The following TPP2 variants were observed in gnomAD, a reference collection of about 807,000 sequenced individuals.
TPP2 encodes tripeptidyl peptidase 2.
TPP2 carries 34 observed loss-of-function variants against 155.9 expected under a neutral mutation model. The ratio of observed to expected loss-of-function variants is 0.22; its 90% confidence interval spans 0.17 to 0.29. The LOEUF is 0.29. Ranked by LOEUF, TPP2 falls within the 10% of genes least tolerant of loss-of-function variation. TPP2 has a pLI of 1.00. For missense variants in TPP2, 1,028 were observed against 1,522.3 expected, an observed-to-expected ratio of 0.68 and a Z score of 5.40; for synonymous variants, 510 against 529.4, an observed-to-expected ratio of 0.96 and a Z score of 0.50.
intron 28 of TPP2, among the ~76,000 whole-genome samples, chr13:102,675,532 A>T (rs550071857): frequency 6.6e-6 from 1 of 152,344 alleles, no homozygotes; most frequent in South Asian, 2.1e-4. Flanking sequence ...ACAATTATTG[A>T]AGGCCTATGT....
At chr13:102,628,966 G>A (rs549005100) in intron 8 of TPP2, among the ~76,000 whole-genome samples, 2 of 152,108 alleles carry the variant, frequency 1.3e-5, no homozygotes, top group East Asian at 3.9e-4. Context: ...CTTCTTCATG[G>A]TATAACCTCA....
intron 15 of TPP2, among the ~76,000 whole-genome samples, chr13:102,639,591 T>C (rs1882620363): frequency 6.6e-6 from 1 of 152,176 alleles, no homozygotes; most frequent in African/African-American, 2.4e-5. Flanking sequence ...ATGATGATTC[T>C]CTCCATGCTA....
At chr13:102,625,568 C>G (rs1461901375) in intron 6 of TPP2, among the ~76,000 whole-genome samples, 1 of 152,170 alleles carries the variant, frequency 6.6e-6, no homozygotes, top group Non-Finnish European at 1.5e-5. Flanking sequence ...GCAACACTTG[C>G]TGTGGTCAGT....
At chr13:102,598,263 G>T (rs75922673) in intron 1 of TPP2, among the ~76,000 whole-genome samples, 101 of 152,202 alleles carry the variant, frequency 6.6e-4, no homozygotes, top group African/African-American at 2.4e-3. Flanking sequence ...TCGTTGATCA[G>T]CCCCTGGCTA....
intron 27 of TPP2, among the ~76,000 whole-genome samples, chr13:102,666,253 A>G (rs1040092238): frequency 2.0e-5 from 3 of 152,246 alleles, no homozygotes; most frequent in African/African-American, 7.2e-5. Context: ...GAAAGCACAT[A>G]GTCAAATCAG....
intron 1 of TPP2, among the ~76,000 whole-genome samples, chr13:102,600,481 G>T (rs1879350005): frequency 6.6e-6 from 1 of 151,702 alleles, no homozygotes; most frequent in Admixed American, 6.6e-5. Flanking sequence ...TCCCTCCTAA[G>T]AGTTATTTAG....
intron 9 of TPP2, among the ~76,000 whole-genome samples, 169 bp downstream of exon 9, chr13:102,629,778 G>A (rs1003489192): frequency 5.3e-5 from 8 of 152,190 alleles, no homozygotes; most frequent in Non-Finnish European, 1.0e-4. Context: ...AGAACTGACC[G>A]TAATTTAAAG....
chr13:102,633,801 C>G, intron 10 of TPP2, 149 bp from the exon 11 acceptor site: 1 of 1,165,576 alleles, frequency 8.6e-7, no homozygotes, highest in East Asian at 2.5e-5. Context: ...CCCATTGATT[C>G]TTCATAGTAG....
In TPP2 at chr13:102,645,004, A is replaced by T. The variant is rs753411331; in HGVS notation, c.2388A>T (p.Thr796=). The T allele has an allele frequency of 1.2e-6, 2 of 1,613,474 alleles. No individual in the cohort carries two copies. Among genetic ancestry groups the T allele is most frequent in the Non-Finnish European group, 1.7e-6 (2 of 1,179,594 alleles). The change falls in exon 19 of 30, where the codon ACA becomes ACT. Residue 796 remains threonine (T), a synonymous_variant. Coordinates refer to ENST00000376052, the MANE Select transcript of TPP2 (RefSeq NM_001330588.2). The part of the protein sequence containing the change: ...PCITLKNWVQ[T]LRPVSAKTKP... The stretch of plus-strand genomic sequence containing the variant: ...TAACTTTGAAGAACTGGGTCCAAAC[A>T]CTGCGGTATCATTCAATGTTTTAGG...
In TPP2 at chr13:102,676,155, A is replaced by G. The variant is rs1885270019; in HGVS notation, c.3580-141A>G. 3.9e-6 allele frequency: 3 copies of G among 762,928 alleles called. No homozygotes were observed. The East Asian group carries it at 1.1e-4, about 28-fold the overall frequency. The allele number at this position is 762,928 out of a possible 1,614,324, so 47.3% of individuals were successfully genotyped here. A position where few individuals can be genotyped will look rare whatever the true frequency, so the allele number is the denominator to read the frequency against. On this transcript the variant is annotated intron_variant, in intron 28 of 29. Coordinates refer to ENST00000376052, the MANE Select transcript of TPP2 (RefSeq NM_001330588.2). ...TTTGAAGACACCAATTTTCTTTTTCAAAGTTTTTAAAAATGTACTCTATGT... is the reference window on the plus strand; with the variant it reads ...TTTGAAGACACCAATTTTCTTTTTCGAAGTTTTTAAAAATGTACTCTATGT...
intron 14 of TPP2, 84 bp downstream of exon 14, chr13:102,637,323 A>G (rs1882446954): frequency 2.1e-6 from 3 of 1,435,412 alleles, no homozygotes; most frequent in Non-Finnish European, 2.8e-6. Context: ...TATTTGCAAT[A>G]TATTGCTTTC....
chr13:102,649,378 C>CT, intron 22 of TPP2, 30 bp from the exon 23 acceptor site: 1 of 1,584,022 alleles, frequency 6.3e-7, no homozygotes, highest in Non-Finnish European at 8.6e-7. Context: ...TCTTTTGTTG[C>CT]TTTTTTTCTC....
chr13:102,626,058 A>G (rs1466798909), intron 6 of TPP2, among the ~76,000 whole-genome samples: 1 of 152,158 alleles, frequency 6.6e-6, no homozygotes, highest in African/African-American at 2.4e-5. Flanking sequence ...TGTAACTACA[A>G]CTCAGGTCAA....
At chr13:102,623,066 A>C in intron 6 of TPP2, 26 bp downstream of exon 6, 1 of 1,599,120 alleles carries the variant, frequency 6.3e-7, no homozygotes, top group Non-Finnish European at 8.5e-7. Flanking sequence ...TTGACCAATG[A>C]GATATAGATT....
intron 20 of TPP2, 117 bp from the exon 21 acceptor site, chr13:102,647,090 C>T: frequency 1.5e-5 from 19 of 1,270,126 alleles, no homozygotes; most frequent in Middle Eastern, 2.7e-4. Context: ...AATTTTTTAC[C>T]ACAAGTATTT....
At chr13:102,616,707 C>T (rs1041138001) in intron 4 of TPP2, among the ~76,000 whole-genome samples, 4 of 152,250 alleles carry the variant, frequency 2.6e-5, no homozygotes, top group South Asian at 2.1e-4. Context: ...ACATAATACA[C>T]GTAGGGTAAA....
At chr13:102,606,348 T>C (rs1346425103) in intron 2 of TPP2, among the ~76,000 whole-genome samples, 3 of 152,222 alleles carry the variant, frequency 2.0e-5, no homozygotes, top group African/African-American at 4.8e-5. Flanking sequence ...TGTGTATTCC[T>C]GTATTTATTA....
intron 25 of TPP2, among the ~76,000 whole-genome samples, chr13:102,658,190 A>G (rs1218707488): frequency 2.0e-5 from 3 of 152,254 alleles, no homozygotes; most frequent in East Asian, 1.9e-4. Flanking sequence ...GTTATGCAAT[A>G]TTTCTTTTAC....
rs151120412 is a variant in TPP2 at position 102,637,031 on chromosome 13, G to A, written c.1679-51G>A. On this transcript the variant is annotated intron_variant, in intron 13 of 29. Coordinates refer to ENST00000376052, the MANE Select transcript of TPP2 (RefSeq NM_001330588.2). ...TGGAAAGATGTAACATTTTTAAATGGAAAAAAGGAAAAAAATACTCATCTT... is the reference window on the plus strand; with the variant it reads ...TGGAAAGATGTAACATTTTTAAATGAAAAAAAGGAAAAAAATACTCATCTT... 3.4e-4 allele frequency: 524 copies of A among 1,530,390 alleles called. 2 individuals are homozygous for A. The African/African-American group carries it at 6.6e-3, about 19-fold the overall frequency. 94.8% of individuals were successfully genotyped at this position (1,530,390 alleles called of 1,614,324 possible).
Sources: gnomAD v4.1 joint callset for allele counts (sites outside exome capture counted in the v4.1 genomes callset) on GRCh38, gnomAD v4.1.1 for gene constraint, MANE v1.5 for transcripts, NCBI Gene and HGNC (gene_info 2026-07-23, HGNC 2026-07-21) for gene names.